ACSS2: variants seen among roughly 807,000 people sequenced by gnomAD.
The protein encoded by ACSS2 is acetyl-coenzyme A synthetase, cytoplasmic.
In ACSS2, 58 loss-of-function variants were observed where a neutral mutation model predicts 90.6. That is an observed-to-expected ratio of 0.64 (90% CI 0.52 to 0.80). ACSS2 has a LOEUF of 0.80. Ranked by LOEUF, ACSS2 falls within the 30% of genes least tolerant of loss-of-function variation. The pLI, the probability that ACSS2 is intolerant of heterozygous loss-of-function variation, is 0.00. For missense variants in ACSS2, 759 were observed against 912.0 expected (o/e 0.83, Z 2.16); for synonymous variants, 300 against 330.9 (o/e 0.91, Z 1.01).
At chr20:34,918,129 T>C (rs2081116038) in intron 7 of ACSS2, among the ~76,000 whole-genome samples, 1 of 152,188 alleles carries the variant, frequency 6.6e-6, no homozygotes, top group East Asian at 1.9e-4. Flanking sequence ...TCAGTCTTCC[T>C]CATCTCACCC....
intron 7 of ACSS2, 117 bp downstream of exon 7, chr20:34,914,554 A>G (rs2081039297): frequency 2.2e-6 from 2 of 889,862 alleles, no homozygotes; most frequent in Non-Finnish European, 3.4e-6. Context: ...TCCAGGAGCA[A>G]TTCTAGGAAT....
chr20:34,914,496 A>G lies in ACSS2; in HGVS notation c.834+59A>G, dbSNP rs1328103069. On this transcript the variant is annotated intron_variant, in intron 7 of 17. Transcript: ENST00000360596. Reference sequence around the variant, plus strand: ...TCAAATTCCTTCACTTTTCCTGCCTAGAAAATTCTTGATGTCCTTCTTTGC... The same window carrying G: ...TCAAATTCCTTCACTTTTCCTGCCTGGAAAATTCTTGATGTCCTTCTTTGC... 5 of 1,462,628 alleles carry G rather than the reference A, an allele frequency of 3.4e-6. No individual in the cohort carries two copies. In the Admixed American group the frequency reaches 1.1e-4, roughly 32 times the overall value. The allele number at this position is 1,462,628 out of a possible 1,614,324, so 90.6% of individuals were successfully genotyped here.
chr20:34,921,040 G>C lies in ACSS2; in HGVS notation c.1178G>C (p.Arg393Pro), dbSNP rs1555885983. ...ATTCCCACATATCCGGACGTGAACC[G>C]CCTGTGGAGCATTGTGGACAAATAC... ...EGIPTYPDVN[R>P]LWSIVDKYKV... Residue 393 changes from arginine (R) to proline (P), a missense_variant, in exon 10 of 18, where the codon CGC becomes CCC. Arg to Pro is a moderately radical substitution (Grantham distance 103, BLOSUM62 -2). Transcript: ENST00000360596. 1 of 1,614,134 alleles carries C rather than the reference G, an allele frequency of 6.2e-7. No individual in the cohort carries two copies. The highest frequency in any genetic ancestry group is 8.5e-7 in the Non-Finnish European group (1 of 1,180,022).
In ACSS2 at chr20:34,921,883, T is replaced by A. The variant is rs757143590; in HGVS notation, c.1548+17T>A. The A allele has an allele frequency of 1.2e-6, 2 of 1,605,852 alleles. No individual in the cohort carries two copies. The highest frequency in any genetic ancestry group is 1.7e-4 in the Middle Eastern group (1 of 5,998). Reference sequence around the variant, plus strand: ...GGTTATCTGGTGAGGCCCTGGCCCTTGGGAGTCTTTAAGGAGAGAGGGAAA... The same window carrying A: ...GGTTATCTGGTGAGGCCCTGGCCCTAGGGAGTCTTTAAGGAGAGAGGGAAA... On this transcript the variant is annotated intron_variant, in intron 13 of 17. Transcript: ENST00000360596.
intron 2 of ACSS2, among the ~76,000 whole-genome samples, chr20:34,902,444 A>C (rs577679884): frequency 8.5e-5 from 13 of 152,294 alleles, no homozygotes; most frequent in African/African-American, 3.1e-4. Flanking sequence ...GGTCAGGGAA[A>C]GCTTCACTAG....
chr20:34,917,409 G>A (rs1374251618), intron 7 of ACSS2, among the ~76,000 whole-genome samples: 4 of 152,096 alleles, frequency 2.6e-5, no homozygotes, highest in African/African-American at 7.2e-5. Flanking sequence ...TAGGCTTGTC[G>A]TTTTTATGAT....
intron 2 of ACSS2, among the ~76,000 whole-genome samples, chr20:34,902,560 A>G (rs984324447): frequency 1.3e-5 from 2 of 152,260 alleles, no homozygotes; most frequent in South Asian, 2.1e-4. Flanking sequence ...TTTGGAGCCT[A>G]GTAGGCAGAA....
At chr20:34,907,531 A>G (rs1291275449) in intron 2 of ACSS2, among the ~76,000 whole-genome samples, 1 of 152,138 alleles carries the variant, frequency 6.6e-6, no homozygotes, top group Non-Finnish European at 1.5e-5. Context: ...GGGTGCATAT[A>G]TTTATCCTTG....
intron 7 of ACSS2, among the ~76,000 whole-genome samples, chr20:34,918,047 G>A (rs1408310054): frequency 1.3e-5 from 2 of 152,092 alleles, no homozygotes; most frequent in Non-Finnish European, 2.9e-5. Flanking sequence ...GTGAGCCACC[G>A]CGCCCAGCCC....
Position 34,925,767 on chromosome 20 carries a change from G to C in ACSS2, c.1726+1G>C. Reference sequence around the variant, plus strand: ...ATTGATGACATGCTCAATGTATCTGGTGAGGGCCAGGGGCCACCTTCCCAT... The same window carrying C: ...ATTGATGACATGCTCAATGTATCTGCTGAGGGCCAGGGGCCACCTTCCCAT... On this transcript the variant is annotated splice_donor_variant, in intron 15 of 17. Transcript: ENST00000360596. LOFTEE classifies it high-confidence loss of function. The C allele has an allele frequency of 6.2e-7, 1 of 1,612,560 alleles. No individual in the cohort carries two copies. Among genetic ancestry groups the C allele is most frequent in the Non-Finnish European group, 8.5e-7 (1 of 1,179,450 alleles).
chr20:34,925,575 G>C (rs2081298888), intron 14 of ACSS2, 123 bp from the exon 15 acceptor site: 2 of 1,040,912 alleles, frequency 1.9e-6, no homozygotes, highest in Non-Finnish European at 1.4e-6. Context: ...CTACTACAGT[G>C]GGCAAGAGTG....
intron 1 of ACSS2, among the ~76,000 whole-genome samples, chr20:34,877,416 G>T (rs2079942870): frequency 6.6e-6 from 1 of 152,152 alleles, no homozygotes; most frequent in Admixed American, 6.5e-5. Context: ...AAGACTGAAC[G>T]AGTTACTACG....
chr20:34,909,477 A>G (rs1218825885), intron 2 of ACSS2, among the ~76,000 whole-genome samples: 1 of 152,232 alleles, frequency 6.6e-6, no homozygotes, highest in Non-Finnish European at 1.5e-5. Context: ...ATCAATTTCT[A>G]CACATAAGAT....
chr20:34,896,095 A>G (rs1232167493), intron 2 of ACSS2, among the ~76,000 whole-genome samples: 1 of 152,312 alleles, frequency 6.6e-6, no homozygotes, highest in East Asian at 1.9e-4. Flanking sequence ...ACAGGATGGT[A>G]GGAACAAGTG....
At position 34,927,032 on chromosome 20, in the gene ACSS2, G is replaced by A. The variant is rs760980949; in HGVS notation, c.1979-55G>A. The A allele has an allele frequency of 2.1e-5, 34 of 1,613,940 alleles. No individual in the cohort carries two copies. The highest frequency in any genetic ancestry group is 2.8e-5 in the Non-Finnish European group (33 of 1,179,962). On this transcript the variant is annotated intron_variant, in intron 17 of 17. Coordinates refer to ENST00000360596, the MANE Select transcript of ACSS2 (RefSeq NM_018677.4). This position sits in a 1 kb window ranked among gnomAD's most constrained non-coding sequence, Gnocchi z 4.2. ...TGTGCGTGGATGAAAGCCTTTGGCA[G>A]GGCTAGGGTGGGTCAGTGCTTTCAC...
intron 7 of ACSS2, 45 bp from the exon 8 acceptor site, chr20:34,919,390 C>G: frequency 6.2e-7 from 1 of 1,610,164 alleles, no homozygotes; most frequent in Non-Finnish European, 8.5e-7. Flanking sequence ...TGTATCTTGT[C>G]CCCATCTTGA....
intron 2 of ACSS2, among the ~76,000 whole-genome samples, chr20:34,895,499 T>C (rs1014270868): frequency 3.9e-5 from 6 of 152,226 alleles, no homozygotes; most frequent in Non-Finnish European, 8.8e-5. Flanking sequence ...AGTCTTGCCA[T>C]GAGTTTGTTA....
At chr20:34,896,285 T>G (rs1167978701) in intron 2 of ACSS2, among the ~76,000 whole-genome samples, 1 of 151,930 alleles carries the variant, frequency 6.6e-6, no homozygotes, top group African/African-American at 2.4e-5. Context: ...AGGGCAGGAG[T>G]CCCATACTCT....
At chr20:34,906,983 CAAAAAAAAAAA>C (rs1228479859) in intron 2 of ACSS2, among the ~76,000 whole-genome samples, 3 of 41,598 alleles carry the variant, frequency 7.2e-5, no homozygotes, top group Non-Finnish European at 1.1e-4. Context: ...GACTCCATCT[CAAAAAAAAAAA>C]AAAAAAAAAA....
Sources: gnomAD v4.1 joint callset for allele counts (sites outside exome capture counted in the v4.1 genomes callset) on GRCh38, gnomAD v4.1.1 for gene constraint, Gnocchi (gnomAD v3.1) non-coding constraint, MANE v1.5 for transcripts, NCBI Gene and HGNC (gene_info 2026-07-23, HGNC 2026-07-21) for gene names.